Variants in TAS2R1 observed in about 807,000 individuals in gnomAD.
The protein encoded by TAS2R1 is taste 2 receptor member 1.
For missense variants in TAS2R1, 370 were observed against 353.4 expected (o/e 1.05, Z -0.38); for synonymous variants, 141 against 134.2 (o/e 1.05, Z -0.35).
chr5:9,747,424 A>G, the TAS2R1 span, among the ~76,000 whole-genome samples: 1 of 152,146 alleles, frequency 6.6e-6, no homozygotes, highest in Non-Finnish European at 1.5e-5. Context: ...TGAGAAATTC[A>G]GGCTGCTTCC....
the TAS2R1 span, among the ~76,000 whole-genome samples, chr5:9,896,922 T>C: frequency 6.6e-6 from 1 of 152,180 alleles, no homozygotes; most frequent in Non-Finnish European, 1.5e-5. Context: ...TTGGCTCCGA[T>C]CCCCAAGAAG....
At chr5:9,636,042 G>C (rs1347252130) in intron 2 of TAS2R1, among the ~76,000 whole-genome samples, 2 of 151,742 alleles carry the variant, frequency 1.3e-5, no homozygotes, top group African/African-American at 2.4e-5. Context: ...ATTTATTTAT[G>C]CTCTTTCAGA....
chr5:9,871,493 C>G, the TAS2R1 span, among the ~76,000 whole-genome samples: 1 of 152,196 alleles, frequency 6.6e-6, no homozygotes, highest in Non-Finnish European at 1.5e-5. Flanking sequence ...ATTGTCATCC[C>G]TGGACACAGA....
the TAS2R1 span, among the ~76,000 whole-genome samples, chr5:9,856,614 T>TA: frequency 6.6e-6 from 1 of 152,168 alleles, no homozygotes; most frequent in African/African-American, 2.4e-5. Flanking sequence ...AGACCAGACA[T>TA]ACAGAAACTT....
chr5:9,636,568 G>A lies in TAS2R1; in HGVS notation c.-80-6576C>T, dbSNP rs143416073. On this transcript the variant is annotated intron_variant, in intron 2 of 2. Transcript: ENST00000506620. The stretch of plus-strand genomic sequence containing the variant: ...GTCCCTCATCTATCTCATTTCTTAG[G>A]TCTTGTAGTAATTGTTGTATAAATT... Among the ~76,000 whole-genome samples, 520 of 151,970 alleles carry A rather than the reference G, an allele frequency of 3.4e-3. 1 individual carries two copies. Among genetic ancestry groups the A allele is most frequent in the Admixed American group, 5.2e-3 (79 of 15,272 alleles).
chr5:9,680,443 G>T (rs930332768), intron 1 of TAS2R1, among the ~76,000 whole-genome samples: 6 of 152,114 alleles, frequency 3.9e-5, no homozygotes, highest in African/African-American at 1.4e-4. Flanking sequence ...AAGAATAACT[G>T]TATAGAGGAG....
At chr5:9,853,590 C>T in the TAS2R1 span, among the ~76,000 whole-genome samples, 1 of 152,106 alleles carries the variant, frequency 6.6e-6, no homozygotes, top group Non-Finnish European at 1.5e-5. Context: ...CCTGATTCAG[C>T]CAGTCTTTAA....
chr5:9,696,518 T>C (rs1028656134), intron 1 of TAS2R1, among the ~76,000 whole-genome samples: 1 of 151,616 alleles, frequency 6.6e-6, no homozygotes, highest in Non-Finnish European at 1.5e-5. Context: ...GCTGAGATCA[T>C]GACACTGCAC....
chr5:9,823,830 GT>G, the TAS2R1 span, among the ~76,000 whole-genome samples: 3 of 152,172 alleles, frequency 2.0e-5, no homozygotes, highest in Non-Finnish European at 4.4e-5. Context: ...TCGAATAGAA[GT>G]TGTCTCCATC....
At chr5:9,671,070 G>C (rs1162740324) in intron 1 of TAS2R1, among the ~76,000 whole-genome samples, 1 of 152,064 alleles carries the variant, frequency 6.6e-6, no homozygotes, top group East Asian at 1.9e-4. Context: ...ATGTAGAAAA[G>C]GCTTTTGATA....
chr5:9,825,042 G>T, the TAS2R1 span, among the ~76,000 whole-genome samples: 1 of 152,276 alleles, frequency 6.6e-6, no homozygotes, highest in Non-Finnish European at 1.5e-5. Context: ...TGCCACCAAA[G>T]ATGCAGGCTT....
chr5:9,879,545 C>T, the TAS2R1 span, among the ~76,000 whole-genome samples: 1 of 152,314 alleles, frequency 6.6e-6, no homozygotes, highest in South Asian at 2.1e-4. Flanking sequence ...CTATAGCAAC[C>T]TCATGCTCAG....
the TAS2R1 span, among the ~76,000 whole-genome samples, chr5:9,862,397 C>T: frequency 6.6e-6 from 1 of 152,080 alleles, no homozygotes; most frequent in Admixed American, 6.5e-5. Context: ...TTCTGACAGC[C>T]TAACCTGCAG....
intron 2 of TAS2R1, among the ~76,000 whole-genome samples, chr5:9,649,571 TA>T (rs1343230108): frequency 2.6e-5 from 4 of 152,144 alleles, no homozygotes; most frequent in African/African-American, 9.7e-5. Flanking sequence ...TATAATTCAA[TA>T]AAAAGTCAGC....
At chr5:9,683,448 G>A (rs1000073107) in intron 1 of TAS2R1, among the ~76,000 whole-genome samples, 4 of 152,128 alleles carry the variant, frequency 2.6e-5, no homozygotes, top group African/African-American at 9.7e-5. Context: ...TATTGTCAAG[G>A]AGGAACAGAG....
At position 9,705,862 on chromosome 5, in the gene TAS2R1, C is replaced by G. The variant is rs184181562; in HGVS notation, c.-242+6310G>C. ...GGGAGACAAGAGTGAAACTCCATCC[C>G]CCCCCAAAAAAAGACTTTTAGTGCT... On this transcript the variant is annotated intron_variant, in intron 1 of 2. Coordinates refer to the TAS2R1 transcript ENST00000506620. Among the ~76,000 whole-genome samples, 57 of 151,902 alleles carry G rather than the reference C, an allele frequency of 3.8e-4. No homozygotes were observed. The East Asian group carries it at 0.01, about 27-fold the overall frequency.
the TAS2R1 span, among the ~76,000 whole-genome samples, chr5:9,811,470 A>G: frequency 2.6e-5 from 4 of 152,272 alleles, no homozygotes; most frequent in East Asian, 7.7e-4. Context: ...GAAGAGGGAC[A>G]AAATATGTAA....
At chr5:9,817,896 A>C in the TAS2R1 span, among the ~76,000 whole-genome samples, 2 of 148,732 alleles carry the variant, frequency 1.3e-5, no homozygotes, top group African/African-American at 5.0e-5. Context: ...GGGGAGGGGG[A>C]GGGGAAGTGC....
chr5:9,811,819 C>A, the TAS2R1 span, among the ~76,000 whole-genome samples: 1 of 152,050 alleles, frequency 6.6e-6, no homozygotes, highest in Admixed American at 6.6e-5. Flanking sequence ...AATTACAGGG[C>A]CCTTATGATG....
Sources: gnomAD v4.1 joint callset for allele counts (sites outside exome capture counted in the v4.1 genomes callset) on GRCh38, gnomAD v4.1.1 for gene constraint, MANE v1.5 for transcripts, NCBI Gene and HGNC (gene_info 2026-07-23, HGNC 2026-07-21) for gene names.